SETBP1: variants seen among roughly 807,000 people sequenced by gnomAD.
The protein encoded by SETBP1 is SET binding protein 1, also known as SET-binding protein.
A neutral mutation model predicts 101.0 loss-of-function variants in SETBP1; 9 were observed. The ratio of observed to expected loss-of-function variants is 0.09; its 90% CI spans 0.05 to 0.16. The LOEUF (loss-of-function observed/expected upper bound fraction) is 0.16, where lower values mean the gene tolerates loss of function less well. SETBP1 is among the 10% of genes least tolerant of loss of function. The pLI, the probability that SETBP1 is intolerant of heterozygous loss-of-function variation, is 1.00. For missense variants in SETBP1, 1,858 were observed against 2,033.8 expected, an observed-to-expected ratio of 0.91 and a Z score of 1.66; for synonymous variants, 818 against 788.5, an observed-to-expected ratio of 1.04 and a Z score of -0.63.
At chr18:44,821,300 A>T (rs894312904) in intron 2 of SETBP1, among the ~76,000 whole-genome samples, 5 of 152,206 alleles carry the variant, frequency 3.3e-5, no homozygotes, top group African/African-American at 1.2e-4. Context: ...GGAAGGTGGA[A>T]TTGAGGCTCT....
At chr18:44,913,071 G>A (rs1308009383) in intron 3 of SETBP1, among the ~76,000 whole-genome samples, 1 of 152,180 alleles carries the variant, frequency 6.6e-6, no homozygotes, top group Non-Finnish European at 1.5e-5. Context: ...AATGTCCTTT[G>A]AGAAACCCAC....
rs560594371 is a variant in SETBP1, at chr18:44,891,186, A to G, written c.540+21903A>G. On this transcript the variant is annotated intron_variant, in intron 3 of 5. Coordinates refer to ENST00000649279, the MANE Select transcript of SETBP1 (RefSeq NM_015559.3). ...TCTTGTAAGACTTATTACTATCACA[A>G]CACCAGCATGAGAAAGGCCTGCCTC... 1.4e-4 allele frequency among the ~76,000 whole-genome samples: 22 copies of G among 152,194 alleles called. No homozygotes were observed. The South Asian group carries it at 1.7e-3, about 11-fold the overall frequency.
intron 4 of SETBP1, among the ~76,000 whole-genome samples, chr18:44,957,390 A>C (rs1231913987): frequency 6.6e-6 from 1 of 152,188 alleles, no homozygotes; most frequent in Non-Finnish European, 1.5e-5. Context: ...ATTAAAAAAA[A>C]AAAATGAGAA....
At chr18:44,834,163 A>AG (rs2072439174) in intron 2 of SETBP1, among the ~76,000 whole-genome samples, 1 of 151,976 alleles carries the variant, frequency 6.6e-6, no homozygotes, top group Non-Finnish European at 1.5e-5. Context: ...CGTTGTATAT[A>AG]GATCTCCAAG....
intron 4 of SETBP1, among the ~76,000 whole-genome samples, chr18:44,989,948 A>G (rs1413714333): frequency 6.8e-6 from 1 of 147,660 alleles, no homozygotes; most frequent in Non-Finnish European, 1.5e-5. Flanking sequence ...AAAAGCCAGG[A>G]GGAAAAGATA....
rs1378463673 is a variant in SETBP1 at position 45,065,891 on chromosome 18, G to C, written c.*2193G>C. On this transcript the variant is annotated 3_prime_UTR_variant, in exon 6 of 6. Coordinates refer to ENST00000649279, the MANE Select transcript of SETBP1 (RefSeq NM_015559.3). ...GGTTCCAAAGTCACCTGAGAGGAAG[G>C]TTTAAATTAGTCCCTCTCACCCCAC... The C allele has an allele frequency of 1.3e-5, 2 of 152,210 alleles. No homozygotes were observed. The highest frequency in any genetic ancestry group is 2.4e-5 in the African/African-American group (1 of 41,450). The allele number at this position is 152,210 out of a possible 1,614,324, so 9.4% of individuals were successfully genotyped here.
At chr18:44,723,880 A>T (rs1001060827) in intron 2 of SETBP1, among the ~76,000 whole-genome samples, 11 of 152,228 alleles carry the variant, frequency 7.2e-5, no homozygotes, top group Non-Finnish European at 1.5e-4. Flanking sequence ...AAGACAAAAG[A>T]TAAAACTGAC....
chr18:44,760,787 A>G (rs2070621348), intron 2 of SETBP1, among the ~76,000 whole-genome samples: 1 of 152,230 alleles, frequency 6.6e-6, no homozygotes, highest in South Asian at 2.1e-4. Flanking sequence ...AACTCGCAGT[A>G]AAATATATTT....
intron 2 of SETBP1, among the ~76,000 whole-genome samples, chr18:44,739,854 A>T (rs2070058029): frequency 6.6e-6 from 1 of 152,232 alleles, no homozygotes; most frequent in African/African-American, 2.4e-5. Flanking sequence ...ACTCTCAAGG[A>T]GTTGCAGGAT....
intron 2 of SETBP1, among the ~76,000 whole-genome samples, chr18:44,843,763 C>T (rs1427111933): frequency 6.6e-6 from 1 of 152,136 alleles, no homozygotes; most frequent in Non-Finnish European, 1.5e-5. Flanking sequence ...ATGGTTTATC[C>T]ATCAGTTTCT....
chr18:44,914,000 A>G (rs557187994), intron 3 of SETBP1, among the ~76,000 whole-genome samples: 1 of 152,314 alleles, frequency 6.6e-6, no homozygotes, highest in Non-Finnish European at 1.5e-5. Flanking sequence ...AGGACTCAGG[A>G]TGAGGCTCAG....
chr18:44,784,428 T>A (rs908726390), intron 2 of SETBP1, among the ~76,000 whole-genome samples: 1 of 152,236 alleles, frequency 6.6e-6, no homozygotes, highest in African/African-American at 2.4e-5. Context: ...ATCTGTTCTC[T>A]GCCTTCACAT....
chr18:44,694,452 T>A (rs1193914768), intron 1 of SETBP1, among the ~76,000 whole-genome samples: 1 of 152,238 alleles, frequency 6.6e-6, no homozygotes, highest in Non-Finnish European at 1.5e-5. Flanking sequence ...CCTCAGGTGA[T>A]CTGCCCACTT....
intron 2 of SETBP1, chr18:44,732,543 T>G (rs1428063800): frequency 6.6e-6 from 1 of 152,254 alleles, no homozygotes; most frequent in Non-Finnish European, 1.5e-5. Context: ...TGCATTTATT[T>G]AGACCCTTCT....
At chr18:44,859,360 G>A (rs1011090144) in intron 2 of SETBP1, among the ~76,000 whole-genome samples, 6 of 152,114 alleles carry the variant, frequency 3.9e-5, no homozygotes, top group Admixed American at 3.9e-4. Context: ...GGCTGGCAGT[G>A]GTACCAATGT....
At chr18:44,868,714 GGAAGGAAGGAAGGA>G (rs2069194660) in intron 2 of SETBP1, among the ~76,000 whole-genome samples, 2 of 4,286 alleles carry the variant, frequency 4.7e-4, no homozygotes, top group East Asian at 7.6e-3. Context: ...AAGGAAGGGA[GGAAGGAAGGAAGGA>G]AGGAAGGAAG....
At chr18:44,766,003 T>C (rs1049414142) in intron 2 of SETBP1, among the ~76,000 whole-genome samples, 7 of 152,256 alleles carry the variant, frequency 4.6e-5, no homozygotes, top group African/African-American at 1.7e-4. Context: ...ACAGGCTTCC[T>C]CACCTAGTTC....
intron 4 of SETBP1, among the ~76,000 whole-genome samples, chr18:44,990,030 T>C (rs1280092561): frequency 2.0e-5 from 3 of 151,854 alleles, no homozygotes; most frequent in African/African-American, 7.2e-5. Flanking sequence ...ATCTAGTATA[T>C]GGTTAAAAAC....
At chr18:44,850,812 G>A (rs1419442765) in intron 2 of SETBP1, among the ~76,000 whole-genome samples, 1 of 152,194 alleles carries the variant, frequency 6.6e-6, no homozygotes, top group Non-Finnish European at 1.5e-5. Context: ...CAGCCTCACT[G>A]ACCATGTCAA....
Sources: gnomAD v4.1 joint callset for allele counts (sites outside exome capture counted in the v4.1 genomes callset) on GRCh38, gnomAD v4.1.1 for gene constraint, MANE v1.5 for transcripts, NCBI Gene and HGNC (gene_info 2026-07-23, HGNC 2026-07-21) for gene names.